Variants in THSD7A observed in about 807,000 individuals in gnomAD.
THSD7A encodes the protein thrombospondin type 1 domain containing 7A, also known as thrombospondin type-1 domain-containing protein 7A.
THSD7A carries 96 observed loss-of-function variants against 231.3 expected under a neutral mutation model. The observed-to-expected ratio is 0.41, with a 90% CI of 0.35 to 0.49. The LOEUF is 0.49. THSD7A is among the 20% of genes least tolerant of loss of function. The pLI is 0.05. For missense variants in THSD7A, 2,290 were observed against 2,070.2 expected, an observed-to-expected ratio of 1.11 and a Z score of -2.06; for synonymous variants, 940 against 743.3, an observed-to-expected ratio of 1.26 and a Z score of -4.30.
rs74701539 is a variant in THSD7A, at chr7:11,588,611, G to A, written c.1453+1849C>T. Among the ~76,000 whole-genome samples, 722 of 152,046 alleles carry A rather than the reference G, an allele frequency of 4.7e-3. 5 individuals carry two copies. The highest frequency in any genetic ancestry group is 0.017 in the African/African-American group (697 of 41,464). The stretch of plus-strand genomic sequence containing the variant: ...TGGTGTCTGCAGTGATTTAGCAGTG[G>A]TTGGGGGGAGCTCTAAAAGAAAATG... On this transcript the variant is annotated intron_variant, in intron 4 of 27. Coordinates refer to ENST00000423059, the MANE Select transcript of THSD7A (RefSeq NM_015204.3).
chr7:11,732,439 T>C (rs548604020), intron 1 of THSD7A, among the ~76,000 whole-genome samples: 7 of 151,990 alleles, frequency 4.6e-5, no homozygotes, highest in Admixed American at 2.0e-4. Flanking sequence ...AAATAATTCT[T>C]ATTCATAGGC....
At chr7:11,522,225 T>C (rs1025122534) in intron 6 of THSD7A, among the ~76,000 whole-genome samples, 9 of 152,172 alleles carry the variant, frequency 5.9e-5, no homozygotes, top group South Asian at 4.1e-4. Context: ...TGGACAGAAT[T>C]CCTACTTAGA....
At chr7:11,722,919 C>G (rs1314970282) in intron 1 of THSD7A, among the ~76,000 whole-genome samples, 1 of 151,888 alleles carries the variant, frequency 6.6e-6, no homozygotes, top group African/African-American at 2.4e-5. Context: ...GTCAGTGTGG[C>G]GATTCCTCAG....
chr7:11,483,805 C>T (rs6971882), intron 6 of THSD7A, among the ~76,000 whole-genome samples: 14 of 151,850 alleles, frequency 9.2e-5, no homozygotes, highest in African/African-American at 1.2e-4. Flanking sequence ...AGCTAACAAA[C>T]GTCATATTTT....
intron 6 of THSD7A, among the ~76,000 whole-genome samples, chr7:11,515,022 T>C (rs889111300): frequency 2.0e-5 from 3 of 152,210 alleles, no homozygotes; most frequent in Admixed American, 6.5e-5. Flanking sequence ...CGTCTTCTTT[T>C]GCTTTGAGTG....
intron 1 of THSD7A, among the ~76,000 whole-genome samples, chr7:11,656,019 C>G (rs1330928028): frequency 6.6e-6 from 1 of 151,874 alleles, no homozygotes; most frequent in Non-Finnish European, 1.5e-5. Context: ...ATTTCTTAAT[C>G]AGCAGCCTTC....
intron 16 of THSD7A, among the ~76,000 whole-genome samples, chr7:11,420,694 A>C (rs937243770): frequency 7.2e-5 from 11 of 152,212 alleles, no homozygotes; most frequent in African/African-American, 2.7e-4. Flanking sequence ...CCAGAATGAC[A>C]GATCCACTGA....
At chr7:11,797,926 A>G (rs1485478701) in intron 1 of THSD7A, among the ~76,000 whole-genome samples, 2 of 152,160 alleles carry the variant, frequency 1.3e-5, no homozygotes, top group African/African-American at 4.8e-5. Context: ...ATATCGCTTA[A>G]GAGATTAATA....
Position 11,422,598 on chromosome 7 carries a change from CAAAA to C in THSD7A, c.3383+2094_3383+2097del, listed in dbSNP as rs5882308. 1.1e-4 allele frequency among the ~76,000 whole-genome samples: 11 copies of C among 97,878 alleles called. No individual in the cohort carries two copies. In the South Asian group the frequency reaches 2.1e-3, roughly 18 times the overall value. 64.2% of individuals were successfully genotyped at this position (97,878 alleles called of 152,430 possible). On this transcript the variant is annotated intron_variant, in intron 16 of 27. Coordinates refer to ENST00000423059, the MANE Select transcript of THSD7A (RefSeq NM_015204.3). The stretch of plus-strand genomic sequence containing the variant: ...ATGTTAAGACTATCTATTTACAAAG[CAAAA>C]AAAAAAAAAAAAAAAGTAACATGTA...
chr7:11,606,954 A>G (rs1780751684), intron 2 of THSD7A, among the ~76,000 whole-genome samples: 1 of 152,138 alleles, frequency 6.6e-6, no homozygotes, highest in East Asian at 1.9e-4. Flanking sequence ...CTCTTTTGAC[A>G]TATGTAACAA....
chr7:11,476,843 T>TAAAAAAAAAAAA (rs1562641302), intron 7 of THSD7A, among the ~76,000 whole-genome samples: 4 of 131,690 alleles, frequency 3.0e-5, no homozygotes, highest in African/African-American at 1.0e-4. Context: ...AAAGATAGTG[T>TAAAAAAAAAAAA]AGAAAGCGAT....
intron 1 of THSD7A, among the ~76,000 whole-genome samples, chr7:11,689,792 T>G (rs1248494886): frequency 1.4e-5 from 2 of 146,354 alleles, no homozygotes; most frequent in Non-Finnish European, 1.5e-5. Context: ...AAGAAAATTC[T>G]CACCCATTTG....
At chr7:11,490,047 C>A (rs1241914929) in intron 6 of THSD7A, among the ~76,000 whole-genome samples, 1 of 151,994 alleles carries the variant, frequency 6.6e-6, no homozygotes, top group Non-Finnish European at 1.5e-5. Context: ...TCTTCCCTGT[C>A]ACTTTTTAAA....
rs776190501 is a variant in THSD7A, at chr7:11,515,712, G to C, written c.1822+25707C>G. Among the ~76,000 whole-genome samples the C allele has an allele frequency of 5.0e-4, 76 of 152,178 alleles. No homozygotes were observed. In the Middle Eastern group the frequency reaches 0.017, roughly 34 times the overall value. On this transcript the variant is annotated intron_variant, in intron 6 of 27. Transcript: ENST00000423059. The stretch of plus-strand genomic sequence containing the variant: ...GAGAAAAGACAGCCCATGTTTTATA[G>C]TAAGTGGCAGAACAAGACCTAGACT...
chr7:11,797,053 C>G (rs1784145071), intron 1 of THSD7A, among the ~76,000 whole-genome samples: 1 of 152,052 alleles, frequency 6.6e-6, no homozygotes, highest in South Asian at 2.1e-4. Flanking sequence ...TGGGGAAACA[C>G]TATGGTTAAA....
At chr7:11,621,410 T>C (rs1781306343) in intron 2 of THSD7A, among the ~76,000 whole-genome samples, 1 of 152,206 alleles carries the variant, frequency 6.6e-6, no homozygotes, top group Non-Finnish European at 1.5e-5. Flanking sequence ...AGATATAAAC[T>C]TTATATGAGT....
At chr7:11,810,188 G>C (rs1245217067) in intron 1 of THSD7A, among the ~76,000 whole-genome samples, 1 of 152,166 alleles carries the variant, frequency 6.6e-6, no homozygotes, top group Non-Finnish European at 1.5e-5. Context: ...GAGAGCACCA[G>C]CAGGGAGCTG....
intron 13 of THSD7A, among the ~76,000 whole-genome samples, chr7:11,439,579 CAAA>C (rs1419218147): frequency 6.6e-6 from 1 of 151,944 alleles, no homozygotes; most frequent in Non-Finnish European, 1.5e-5. Flanking sequence ...TGTGAACACA[CAAA>C]TAATAAGAAA....
chr7:11,397,396 A>T (rs777805265), intron 23 of THSD7A, among the ~76,000 whole-genome samples: 2 of 152,212 alleles, frequency 1.3e-5, no homozygotes, highest in Non-Finnish European at 2.9e-5. Flanking sequence ...CTTACACCTT[A>T]TACAGAAATT....
Sources: allele counts gnomAD v4.1 joint callset (sites outside exome capture counted in the v4.1 genomes callset), GRCh38; gene constraint gnomAD v4.1.1; transcripts MANE v1.5; gene names NCBI Gene and HGNC (gene_info 2026-07-23, HGNC 2026-07-21).